TBCK: variants seen among roughly 807,000 people sequenced by gnomAD.
TBCK encodes TBC domain-containing protein kinase-like protein.
In TBCK, 99 loss-of-function variants were observed where a neutral mutation model predicts 113.4. The observed-to-expected ratio is 0.87, with a 90% CI of 0.74 to 1.03. The LOEUF is 1.03. Among genes scored for constraint, TBCK ranks in the 50% least tolerant of loss-of-function variants. The probability of loss-of-function intolerance (pLI) is 0.00; values close to 1 mark genes in which losing one functional copy is unlikely to be tolerated. For synonymous variants in TBCK, 369 were observed against 370.8 expected, an observed-to-expected ratio of 1.00 and a Z score of 0.05; for missense variants, 1,045 against 1,061.3, an observed-to-expected ratio of 0.98 and a Z score of 0.21.
At chr4:106,189,999 T>C (rs183378610) in intron 22 of TBCK, among the ~76,000 whole-genome samples, 2 of 152,294 alleles carry the variant, frequency 1.3e-5, no homozygotes, top group Non-Finnish European at 1.5e-5. Flanking sequence ...TTAGGTATCA[T>C]TTACTTAAGA....
chr4:106,087,127 G>T (rs933846901), intron 25 of TBCK, among the ~76,000 whole-genome samples: 2 of 152,156 alleles, frequency 1.3e-5, no homozygotes, highest in Non-Finnish European at 1.5e-5. Flanking sequence ...CAAATAGGAA[G>T]AGAGGAAGTC....
intron 24 of TBCK, among the ~76,000 whole-genome samples, chr4:106,115,362 T>A (rs1027792229): frequency 6.6e-6 from 1 of 152,136 alleles, no homozygotes; most frequent in African/African-American, 2.4e-5. Flanking sequence ...TGAAATACTG[T>A]CACAAACATT....
intron 20 of TBCK, 47 bp downstream of exon 20, chr4:106,212,703 G>A: frequency 1.5e-6 from 2 of 1,306,678 alleles, no homozygotes; most frequent in South Asian, 1.3e-5. Flanking sequence ...AATAATTTCT[G>A]CTTTTTTTTT....
At chr4:106,157,365 T>C (rs1194524074) in intron 23 of TBCK, among the ~76,000 whole-genome samples, 1 of 152,114 alleles carries the variant, frequency 6.6e-6, no homozygotes, top group Non-Finnish European at 1.5e-5. Context: ...CTCAACAGGT[T>C]ACGTGCCTCC....
chr4:106,110,641 G>A (rs1742733706), intron 24 of TBCK, among the ~76,000 whole-genome samples: 1 of 152,160 alleles, frequency 6.6e-6, no homozygotes, highest in Non-Finnish European at 1.5e-5. Context: ...CAAGTGGGTA[G>A]AAATCTTAAA....
intron 10 of TBCK, among the ~76,000 whole-genome samples, 156 bp from the exon 11 acceptor site, chr4:106,244,920 C>G (rs34031230): frequency 1.3e-5 from 2 of 152,132 alleles, no homozygotes; most frequent in African/African-American, 4.8e-5. Context: ...ATTTGCTACT[C>G]CATCCTAACA....
At chr4:106,143,562 GATT>G (rs773472423) in intron 23 of TBCK, among the ~76,000 whole-genome samples, 1 of 152,082 alleles carries the variant, frequency 6.6e-6, no homozygotes, top group Non-Finnish European at 1.5e-5. Context: ...AAAAAAATTT[GATT>G]TTTAAAATCA....
At chr4:106,186,003 T>C (rs1243288673) in intron 22 of TBCK, among the ~76,000 whole-genome samples, 1 of 152,132 alleles carries the variant, frequency 6.6e-6, no homozygotes. Flanking sequence ...TGTTCCTGCA[T>C]AAGTATGTTA....
intron 19 of TBCK, among the ~76,000 whole-genome samples, chr4:106,215,642 G>C (rs1756795525): frequency 6.6e-6 from 1 of 152,084 alleles, no homozygotes; most frequent in Non-Finnish European, 1.5e-5. Context: ...ATGGTAAAGG[G>C]ATCAATTCAA....
At chr4:106,220,818 T>C (rs1296061520) in intron 19 of TBCK, among the ~76,000 whole-genome samples, 2 of 152,204 alleles carry the variant, frequency 1.3e-5, no homozygotes, top group Admixed American at 6.5e-5. Context: ...TTAACTTTTC[T>C]TTAACTTTTT....
At chr4:106,051,989 TAATTTTG>T (rs1734864930) in intron 25 of TBCK, among the ~76,000 whole-genome samples, 1 of 151,936 alleles carries the variant, frequency 6.6e-6, no homozygotes, top group East Asian at 1.9e-4. Flanking sequence ...TAATTAAATA[TAATTTTG>T]AATGTCACTT....
At chr4:106,082,567 T>C (rs987163714) in intron 25 of TBCK, among the ~76,000 whole-genome samples, 1 of 151,716 alleles carries the variant, frequency 6.6e-6, no homozygotes, top group African/African-American at 2.4e-5. Flanking sequence ...AACCTGTACA[T>C]GTACCTCTAG....
chr4:106,270,789 T>C (rs1243311835), intron 3 of TBCK, among the ~76,000 whole-genome samples: 4 of 152,164 alleles, frequency 2.6e-5, no homozygotes, highest in African/African-American at 9.7e-5. Flanking sequence ...TAAACAAAAG[T>C]TTGTCAAACT....
intron 23 of TBCK, among the ~76,000 whole-genome samples, chr4:106,159,231 T>C (rs759343552): frequency 3.9e-5 from 6 of 152,026 alleles, no homozygotes; most frequent in Non-Finnish European, 7.4e-5. Context: ...ACATAATGAA[T>C]AAACAAGGAT....
intron 19 of TBCK, among the ~76,000 whole-genome samples, chr4:106,224,806 A>G (rs1758061187): frequency 6.6e-6 from 1 of 152,138 alleles, no homozygotes; most frequent in Non-Finnish European, 1.5e-5. Context: ...TCCCTGTCCT[A>G]AGAATGTCTT....
intron 3 of TBCK, among the ~76,000 whole-genome samples, chr4:106,279,583 T>C (rs1370317938): frequency 6.6e-6 from 1 of 152,138 alleles, no homozygotes; most frequent in Non-Finnish European, 1.5e-5. Context: ...ACTGATTGAC[T>C]ACCCCTATTT....
chr4:106,062,093 A>G (rs187418338), intron 25 of TBCK, among the ~76,000 whole-genome samples: 114 of 151,964 alleles, frequency 7.5e-4, no homozygotes, highest in African/African-American at 2.7e-3. Flanking sequence ...ACTATGTTTT[A>G]ATTTTTAAAA....
intron 19 of TBCK, 48 bp downstream of exon 19, chr4:106,230,315 G>C: frequency 1.6e-6 from 2 of 1,241,008 alleles, no homozygotes; most frequent in Admixed American, 1.8e-5. Flanking sequence ...CAGCACACCA[G>C]TACATCAGTA....
intron 22 of TBCK, among the ~76,000 whole-genome samples, chr4:106,190,792 G>GGCA (rs1753571506): frequency 6.6e-6 from 1 of 151,774 alleles, no homozygotes; most frequent in Non-Finnish European, 1.5e-5. Context: ...CCAGGCTGGA[G>GGCA]TGCAGAGGCG....
Sources: allele counts gnomAD v4.1 joint callset (sites outside exome capture counted in the v4.1 genomes callset), GRCh38; gene constraint gnomAD v4.1.1; transcripts MANE v1.5; gene names NCBI Gene and HGNC (gene_info 2026-07-23, HGNC 2026-07-21).